The following CFI variants were observed in gnomAD, a reference collection of about 807,000 sequenced individuals.
CFI encodes the protein complement factor I.
In CFI, 66 loss-of-function variants were observed where a neutral mutation model predicts 78.8. The ratio of observed to expected loss-of-function variants is 0.84; its 90% CI spans 0.69 to 1.03. The LOEUF (loss-of-function observed/expected upper bound fraction) is 1.03. Among genes scored for constraint, CFI ranks in the 50% least tolerant of loss-of-function variants. The pLI, the probability that CFI is intolerant of heterozygous loss-of-function variation, is 0.00. For synonymous variants in CFI, 250 were observed against 232.6 expected (o/e 1.07, Z -0.68); for missense variants, 706 against 704.5 (o/e 1.00, Z -0.02).
At chr4:109,751,557 T>G (rs576401407) in intron 8 of CFI, among the ~76,000 whole-genome samples, 4 of 147,842 alleles carry the variant, frequency 2.7e-5, no homozygotes, top group African/African-American at 9.9e-5. Flanking sequence ...TTCTCCTGCC[T>G]CAGCCTCCTG....
At chr4:109,797,890 C>G (rs1320956230) in intron 1 of CFI, among the ~76,000 whole-genome samples, 2 of 151,788 alleles carry the variant, frequency 1.3e-5, no homozygotes, top group African/African-American at 4.8e-5. Context: ...TCAAAATAAC[C>G]AAAGGTAACA....
chr4:109,773,476 A>T (rs1434776976), intron 1 of CFI, among the ~76,000 whole-genome samples: 2 of 152,226 alleles, frequency 1.3e-5, no homozygotes, highest in Non-Finnish European at 2.9e-5. Context: ...AGATCGCGCC[A>T]CTGCACTCCA....
In CFI at chr4:109,752,647, G is replaced by C. The variant is rs78981775; in HGVS notation, c.905-144C>G. ...TAAAGAACTGTACAAAATCCCCAAG[G>C]CATGTCATCTTATTTCCTTTCTATA... On this transcript the variant is annotated intron_variant, in intron 7 of 12. Transcript: ENST00000394634. 2.1e-3 allele frequency: 1,461 copies of C among 691,086 alleles called. 17 individuals carry two copies. In the African/African-American group the frequency reaches 0.023, roughly 11 times the overall value. 42.8% of individuals were successfully genotyped at this position (691,086 alleles called of 1,614,324 possible). A position where few individuals can be genotyped will look rare whatever the true frequency, so the allele number is the denominator to read the frequency against.
intron 11 of CFI, among the ~76,000 whole-genome samples, chr4:109,745,392 T>A (rs548487350): frequency 6.6e-6 from 1 of 152,296 alleles, no homozygotes; most frequent in African/African-American, 2.4e-5. Flanking sequence ...TGTCTCAAAC[T>A]CCTGGGCTCA....
At chr4:109,744,451 G>A (rs532551534) in intron 11 of CFI, among the ~76,000 whole-genome samples, 2 of 152,262 alleles carry the variant, frequency 1.3e-5, no homozygotes, top group South Asian at 2.1e-4. Context: ...GTGGCCTCTG[G>A]TTCCCAGGTG....
chr4:109,741,010 A>T lies in CFI; in HGVS notation c.1635T>A (p.Ser545Arg). The change falls in exon 13 of 13, where the codon AGT becomes AGA. Residue 545 changes from serine (S) to arginine (R), a missense_variant. Physicochemically the swap from Ser to Arg is moderately radical, Grantham distance 110 (BLOSUM62 -1). Coordinates refer to ENST00000394634, the MANE Select transcript of CFI (RefSeq NM_000204.5). ...CTGGTTTTCCACAGTTTTCCCCCCA[A>T]CTCACAACACCCCAGACATAAGTCA... ...NNVTYVWGVV[S>R]WGENCGKPEF... The T allele has an allele frequency of 6.2e-7, 1 of 1,614,128 alleles. No homozygotes were observed. The highest frequency in any genetic ancestry group is 8.5e-7 in the Non-Finnish European group (1 of 1,179,992).
At chr4:109,795,986 T>C (rs1732007321) in intron 1 of CFI, among the ~76,000 whole-genome samples, 1 of 152,168 alleles carries the variant, frequency 6.6e-6, no homozygotes, top group African/African-American at 2.4e-5. Context: ...GAAATGGACA[T>C]CTGGATTCAT....
At chr4:109,775,910 C>G (rs768668471) in intron 1 of CFI, among the ~76,000 whole-genome samples, 4 of 152,204 alleles carry the variant, frequency 2.6e-5, no homozygotes, top group Admixed American at 6.5e-5. Context: ...TCCAACACAC[C>G]TGCAGCTGAG....
chr4:109,782,171 A>G (rs990490843), intron 1 of CFI, among the ~76,000 whole-genome samples: 4 of 152,108 alleles, frequency 2.6e-5, no homozygotes, highest in African/African-American at 9.7e-5. Context: ...GTAAACAGAC[A>G]AGAGAAATAA....
chr4:109,753,058 A>T (rs375415879), intron 7 of CFI, among the ~76,000 whole-genome samples: 23 of 2,070 alleles, frequency 0.011, 2 homozygotes, highest in East Asian at 0.068. Context: ...TTATATATTT[A>T]TATATAAATA....
At position 109,756,937 on chromosome 4, in the gene CFI, GAA is replaced by G. The variant is rs1291543433; in HGVS notation, c.904+824_904+825del. Among the ~76,000 whole-genome samples, 6 of 147,556 alleles carry G rather than the reference GAA, an allele frequency of 4.1e-5. 2 individuals are homozygous for G. The highest frequency in any genetic ancestry group is 4.0e-4 in the Admixed American group (6 of 14,848). ...AGAAAGAAAGAAAGAAAGAAAGAAAGAAAGAAAGAAAGAAAGAAAGAAAGAAA... is the reference window on the plus strand; with the variant it reads ...AGAAAGAAAGAAAGAAAGAAAGAAAGAGAAAGAAAGAAAGAAAGAAAGAAA... On this transcript the variant is annotated intron_variant, in intron 7 of 12. Transcript: ENST00000394634.
At chr4:109,771,339 C>T (rs1481281773) in intron 1 of CFI, among the ~76,000 whole-genome samples, 1 of 151,626 alleles carries the variant, frequency 6.6e-6, no homozygotes, top group African/African-American at 2.4e-5. Flanking sequence ...GGCAGATTGC[C>T]TGAGGTCAGC....
intron 1 of CFI, among the ~76,000 whole-genome samples, chr4:109,784,815 G>T (rs1003982116): frequency 3.3e-5 from 5 of 151,878 alleles, no homozygotes; most frequent in African/African-American, 1.2e-4. Flanking sequence ...AGTATCTTTT[G>T]TCAGGCCTCT....
intron 1 of CFI, among the ~76,000 whole-genome samples, chr4:109,800,197 C>A (rs913317491): frequency 6.6e-6 from 1 of 151,908 alleles, no homozygotes; most frequent in Non-Finnish European, 1.5e-5. Context: ...TAAAATGCCA[C>A]CCATATGTGC....
the CFI span, among the ~76,000 whole-genome samples, chr4:109,732,400 CATT>C: frequency 6.6e-6 from 1 of 152,168 alleles, no homozygotes; most frequent in South Asian, 2.1e-4. Flanking sequence ...CACATTTAAT[CATT>C]ATATATTTGT....
At chr4:109,767,703 C>A (rs1254806546) in intron 1 of CFI, among the ~76,000 whole-genome samples, 2 of 150,420 alleles carry the variant, frequency 1.3e-5, no homozygotes, top group Non-Finnish European at 3.0e-5. Context: ...ACTAGTTCAA[C>A]CATTGTGGAA....
intron 1 of CFI, 99 bp from the exon 2 acceptor site, chr4:109,766,923 A>G: frequency 5.2e-6 from 6 of 1,156,354 alleles, no homozygotes; most frequent in Non-Finnish European, 7.6e-6. Context: ...TACAGCCCAC[A>G]GTACAGATGA....
chr4:109,784,044 G>A (rs965878951), intron 1 of CFI, among the ~76,000 whole-genome samples: 6 of 151,722 alleles, frequency 4.0e-5, no homozygotes, highest in Non-Finnish European at 4.4e-5. Flanking sequence ...GGAAGAGTGG[G>A]AGGGAGGCAA....
intron 3 of CFI, chr4:109,762,491 C>T (rs983029605): frequency 2.0e-5 from 3 of 152,124 alleles, no homozygotes; most frequent in African/African-American, 7.2e-5. Flanking sequence ...TTACAGTGAA[C>T]TATTCTTCTA....
Sources: gnomAD v4.1 joint callset for allele counts (sites outside exome capture counted in the v4.1 genomes callset) on GRCh38, gnomAD v4.1.1 for gene constraint, MANE v1.5 for transcripts, NCBI Gene and HGNC (gene_info 2026-07-23, HGNC 2026-07-21) for gene names.